Variants in LMNB1 observed in about 807,000 individuals in gnomAD.
The protein encoded by LMNB1 is lamin-B1.
Under a neutral mutation model 67.1 loss-of-function variants are expected in LMNB1, and 23 were observed. The ratio of observed to expected loss-of-function variants is 0.34; its 90% confidence interval spans 0.25 to 0.49. The LOEUF is 0.49. Among genes scored for constraint, LMNB1 ranks in the 20% least tolerant of loss-of-function variants. The pLI is 0.99. For missense variants in LMNB1, 634 were observed against 746.5 expected (o/e 0.85, Z 1.76); for synonymous variants, 281 against 282.9 (o/e 0.99, Z 0.07).
chr5:126,792,567 ATTTTT>A (rs752371260), intron 1 of LMNB1, among the ~76,000 whole-genome samples: 1 of 99,152 alleles, frequency 1.0e-5, no homozygotes, highest in Admixed American at 1.1e-4. Flanking sequence ...AGCACTAGGG[ATTTTT>A]TTTTTTTTTT....
In LMNB1 at chr5:126,777,471, C is replaced by A; in HGVS notation, c.-38C>A. 7.7e-7 allele frequency: 1 copy of A among 1,298,894 alleles called. No homozygotes were observed. Among genetic ancestry groups the A allele is most frequent in the South Asian group, 2.6e-5 (1 of 38,448 alleles). The allele number at this position is 1,298,894 out of a possible 1,614,324, so 80.5% of individuals were successfully genotyped here. On this transcript the variant is annotated 5_prime_UTR_variant, in exon 1 of 11. Transcript: ENST00000261366. ...CCGTCCCCTCCTTATCACGGTCCCGCTCGCGGCCTCGCCGCCCCGCTGTCT... is the reference window on the plus strand; with the variant it reads ...CCGTCCCCTCCTTATCACGGTCCCGATCGCGGCCTCGCCGCCCCGCTGTCT...
intron 5 of LMNB1, among the ~76,000 whole-genome samples, chr5:126,817,913 T>C (rs1580548886): frequency 6.6e-6 from 1 of 152,192 alleles, no homozygotes; most frequent in Non-Finnish European, 1.5e-5. Flanking sequence ...AATTCTGTCA[T>C]GGAGAAACAC....
chr5:126,819,170 T>C (rs956478307), intron 6 of LMNB1, 28 bp downstream of exon 6: 1 of 1,496,004 alleles, frequency 6.7e-7, no homozygotes, highest in African/African-American at 1.4e-5. Flanking sequence ...CACCCTACCT[T>C]ATGGTCCACT....
intron 1 of LMNB1, among the ~76,000 whole-genome samples, chr5:126,785,299 T>TA (rs1215539763): frequency 7.0e-6 from 1 of 142,352 alleles, no homozygotes; most frequent in Non-Finnish European, 1.5e-5. Context: ...AAATTAATTT[T>TA]TTTTTTTTTT....
intron 1 of LMNB1, among the ~76,000 whole-genome samples, chr5:126,794,218 C>T (rs1751035915): frequency 6.6e-6 from 1 of 152,142 alleles, no homozygotes; most frequent in Non-Finnish European, 1.5e-5. Flanking sequence ...AACCACCGTG[C>T]CTGGCCGAGT....
intron 9 of LMNB1, among the ~76,000 whole-genome samples, chr5:126,827,787 T>C (rs1182218690): frequency 6.6e-6 from 1 of 152,168 alleles, no homozygotes; most frequent in Non-Finnish European, 1.5e-5. Context: ...AGGAAAATGG[T>C]GTGTGATGTC....
intron 4 of LMNB1, among the ~76,000 whole-genome samples, chr5:126,810,896 A>T (rs1751565147): frequency 6.6e-6 from 1 of 152,254 alleles, no homozygotes; most frequent in African/African-American, 2.4e-5. Context: ...TGACCTTACA[A>T]GAATTCATAA....
intron 1 of LMNB1, among the ~76,000 whole-genome samples, chr5:126,793,311 A>G (rs546724306): frequency 7.5e-4 from 112 of 148,736 alleles, no homozygotes; most frequent in African/African-American, 2.2e-3. Flanking sequence ...GTGCCTGTTT[A>G]TGTTACAGTG....
At chr5:126,785,295 AT>A (rs112060547) in intron 1 of LMNB1, among the ~76,000 whole-genome samples, 206 of 122,952 alleles carry the variant, frequency 1.7e-3, no homozygotes, top group African/African-American at 2.8e-3. Flanking sequence ...CTAAAAATTA[AT>A]TTTTTTTTTT....
chr5:126,822,008 G>T, intron 7 of LMNB1, among the ~76,000 whole-genome samples: 3 of 130,954 alleles, frequency 2.3e-5, no homozygotes, highest in Middle Eastern at 4.4e-3. Flanking sequence ...AGGTCTCTTT[G>T]TAGCCTTTTT....
At chr5:126,799,292 G>T (rs1384298422) in intron 1 of LMNB1, among the ~76,000 whole-genome samples, 1 of 152,204 alleles carries the variant, frequency 6.6e-6, no homozygotes, top group Non-Finnish European at 1.5e-5. Context: ...GATTACAGGC[G>T]TGAGCCACCG....
At chr5:126,800,180 G>C (rs1371656686) in intron 1 of LMNB1, among the ~76,000 whole-genome samples, 2 of 152,166 alleles carry the variant, frequency 1.3e-5, no homozygotes, top group African/African-American at 4.8e-5. Flanking sequence ...GCCAGGCACT[G>C]AGGATCTGAA....
At chr5:126,785,073 G>A (rs1028518613) in intron 1 of LMNB1, among the ~76,000 whole-genome samples, 11 of 151,332 alleles carry the variant, frequency 7.3e-5, no homozygotes, top group African/African-American at 2.2e-4. Context: ...TCTGCCTCCC[G>A]GGTTCAAGTG....
At chr5:126,822,675 A>G in intron 7 of LMNB1, 106 bp from the exon 8 acceptor site, 2 of 618,690 alleles carry the variant, frequency 3.2e-6, no homozygotes, top group South Asian at 4.4e-5. Flanking sequence ...GAAGATGACC[A>G]TAAAGCGGTC....
At chr5:126,786,018 G>A (rs1470965235) in intron 1 of LMNB1, among the ~76,000 whole-genome samples, 3 of 151,624 alleles carry the variant, frequency 2.0e-5, no homozygotes, top group East Asian at 1.9e-4. Context: ...CCTTTGGGGG[G>A]TGGGGGAAAA....
At chr5:126,790,978 G>A (rs796567910) in intron 1 of LMNB1, among the ~76,000 whole-genome samples, 27 of 152,022 alleles carry the variant, frequency 1.8e-4, no homozygotes, top group African/African-American at 6.0e-4. Context: ...CCCAGGTCGC[G>A]CCATTGCACT....
intron 8 of LMNB1, among the ~76,000 whole-genome samples, chr5:126,825,214 G>A (rs961353773): frequency 1.5e-4 from 23 of 152,252 alleles, no homozygotes; most frequent in African/African-American, 5.1e-4. Flanking sequence ...CTTTCTGACT[G>A]CCAGGTGTTC....
At chr5:126,778,652 C>T (rs1028321921) in intron 1 of LMNB1, among the ~76,000 whole-genome samples, 3 of 152,166 alleles carry the variant, frequency 2.0e-5, no homozygotes, top group Admixed American at 2.0e-4. Flanking sequence ...TGGGTTTGTG[C>T]ATGTCACGGC....
intron 1 of LMNB1, among the ~76,000 whole-genome samples, chr5:126,787,311 T>G (rs1750812640): frequency 1.3e-5 from 2 of 151,842 alleles, no homozygotes; most frequent in Admixed American, 6.6e-5. Flanking sequence ...GAATCTGAGC[T>G]AAGTGCAGGG....
Sources: allele counts gnomAD v4.1 joint callset (sites outside exome capture counted in the v4.1 genomes callset), GRCh38; gene constraint gnomAD v4.1.1; transcripts MANE v1.5; gene names NCBI Gene and HGNC (gene_info 2026-07-23, HGNC 2026-07-21).